The following AP2A2 variants were observed in gnomAD, a reference collection of about 807,000 sequenced individuals.
AP2A2 encodes the protein adaptor related protein complex 2 subunit alpha 2.
A neutral mutation model predicts 104.2 loss-of-function variants in AP2A2; 32 were observed. The observed-to-expected ratio is 0.31, with a 90% CI of 0.23 to 0.41. The LOEUF is 0.41. Among genes scored for constraint, AP2A2 ranks in the 10% least tolerant of loss-of-function variants. The probability of loss-of-function intolerance (pLI) is 1.00; values close to 1 mark genes in which losing one functional copy is unlikely to be tolerated. For synonymous variants in AP2A2, 539 were observed against 533.3 expected, an observed-to-expected ratio of 1.01 and a Z score of -0.15; for missense variants, 912 against 1,261.0, an observed-to-expected ratio of 0.72 and a Z score of 4.19.
rs1043373811 is a variant in AP2A2, at chr11:992,977, C to T, written c.1452+292C>T. On this transcript the variant is annotated intron_variant, in intron 11 of 21. Coordinates refer to ENST00000448903, the MANE Select transcript of AP2A2 (RefSeq NM_012305.4). This position sits in a 1 kb window ranked among gnomAD's most constrained non-coding sequence, Gnocchi z 6.4. ...ATGCCGTGGTGGGGCCTGCCCTGTC[C>T]GTCGGAGAGGGTTAGGCCACCGGCA... 7.9e-5 allele frequency among the ~76,000 whole-genome samples: 12 copies of T among 152,140 alleles called. No homozygotes were observed. The highest frequency in any genetic ancestry group is 1.5e-4 in the Non-Finnish European group (10 of 68,016).
chr11:979,245 T>G (rs1183525322), intron 5 of AP2A2, among the ~76,000 whole-genome samples: 1 of 149,690 alleles, frequency 6.7e-6, no homozygotes, highest in African/African-American at 2.5e-5. Flanking sequence ...GATGCGTGTT[T>G]CCTGGGGGAA....
rs766681589 is a variant in AP2A2 at position 994,103 on chromosome 11, C to T, written c.1814C>T (p.Pro605Leu). Residue 605 changes from proline (P) to leucine (L), a missense_variant, in exon 14 of 22, where the codon CCG (proline) becomes CTG (leucine). This residue lies in a region of AP2A2 where 137 missense variants were observed against 186.9 expected (regional missense o/e 0.73). Transcript: ENST00000448903. ...GTGCTGGAGGAGATGCCCCCATTCCCGGAGCGGGAGTCCTCCATCTTGGCA... is the reference window on the plus strand; with the variant it reads ...GTGCTGGAGGAGATGCCCCCATTCCTGGAGCGGGAGTCCTCCATCTTGGCA... ...ATVLEEMPPF[P>L]ERESSILAKL... 9.9e-6 allele frequency: 16 copies of T among 1,612,926 alleles called. No individual in the cohort carries two copies. The highest frequency in any genetic ancestry group is 2.2e-5 in the South Asian group (2 of 91,084).
chr11:989,686 A>G (rs536833639), intron 10 of AP2A2, among the ~76,000 whole-genome samples: 1 of 152,212 alleles, frequency 6.6e-6, no homozygotes, highest in Non-Finnish European at 1.5e-5. Context: ...CATGAACCAA[A>G]ACCTGAGGGA....
chr11:992,182 A>G lies in AP2A2; in HGVS notation c.1270-321A>G, dbSNP rs1855683901. Among the ~76,000 whole-genome samples the G allele has an allele frequency of 6.6e-6, 1 of 151,668 alleles. No individual in the cohort carries two copies. The highest frequency in any genetic ancestry group is 6.6e-5 in the Admixed American group (1 of 15,220). On this transcript the variant is annotated intron_variant, in intron 10 of 21. Transcript: ENST00000448903. The surrounding 1 kb of genome is among the most constrained non-coding windows in gnomAD (Gnocchi z 6.4). ...GTGCTGCCACCGGGAGCCTAGGGTG[A>G]TGAGGTCAGAGGAGTGCTGCCGCCA...
intron 5 of AP2A2, 114 bp from the exon 6 acceptor site, chr11:981,084 T>G (rs1270870102): frequency 2.6e-6 from 2 of 755,740 alleles, no homozygotes; most frequent in Non-Finnish European, 4.3e-6. Context: ...GAGGCCGAGG[T>G]GGCTGTGGGC....
chr11:979,395 A>G (rs1283687856), intron 5 of AP2A2, among the ~76,000 whole-genome samples: 1 of 151,882 alleles, frequency 6.6e-6, no homozygotes, highest in Non-Finnish European at 1.5e-5. Context: ...CAGGAAGAAG[A>G]CCAATCAGAC....
At chr11:1,007,764 T>C in intron 17 of AP2A2, 1 of 586,182 alleles carries the variant, frequency 1.7e-6, no homozygotes, top group Non-Finnish European at 3.0e-6. Context: ...AACAGACAAG[T>C]AGTATATAAT....
chr11:999,955 C>G (rs1447865638), intron 14 of AP2A2, among the ~76,000 whole-genome samples: 1 of 151,950 alleles, frequency 6.6e-6, no homozygotes, highest in African/African-American at 2.4e-5. Flanking sequence ...AGGCGCCCAC[C>G]ACCACGCCCG....
intron 5 of AP2A2, 56 bp downstream of exon 5, chr11:977,280 C>A (rs1232499701): frequency 1.3e-6 from 2 of 1,527,110 alleles, no homozygotes; most frequent in Non-Finnish European, 1.8e-6. Flanking sequence ...TTGGGATGGC[C>A]GTTGTGAAGA....
At chr11:976,559 G>A (rs1855045318) in intron 4 of AP2A2, among the ~76,000 whole-genome samples, 1 of 152,134 alleles carries the variant, frequency 6.6e-6, no homozygotes, top group Admixed American at 6.5e-5. Flanking sequence ...CCCTGGACAA[G>A]CATGTTGGCA....
intron 14 of AP2A2, among the ~76,000 whole-genome samples, chr11:999,253 C>T (rs1025499568): frequency 6.6e-6 from 1 of 152,058 alleles, no homozygotes; most frequent in Non-Finnish European, 1.5e-5. Flanking sequence ...TTACTGGGGC[C>T]GGGTGCGGTG....
rs531850496 is a variant in AP2A2, at chr11:985,675, T to C, written c.962+93T>C. The C allele has an allele frequency of 1.4e-3, 2,152 of 1,549,476 alleles. 3 individuals are homozygous for C. Among genetic ancestry groups the C allele is most frequent in the Admixed American group, 3.8e-3 (203 of 53,170 alleles). Reference sequence around the variant, plus strand: ...GACTGGGCGGATCATGTCTGGTTTGTCCACTCCATGGGCCTCCCCTTCGTC... The same window carrying C: ...GACTGGGCGGATCATGTCTGGTTTGCCCACTCCATGGGCCTCCCCTTCGTC... On this transcript the variant is annotated intron_variant, in intron 8 of 21. Transcript: ENST00000448903.
chr11:977,239 C>T lies in AP2A2; in HGVS notation c.603+15C>T. ...ACCAGCACTTGGTAAGCACCCTTGG[C>T]TTTGGTTCTCCCCGCTCCCCCAGGT... On this transcript the variant is annotated intron_variant, in intron 5 of 21. Coordinates refer to ENST00000448903, the MANE Select transcript of AP2A2 (RefSeq NM_012305.4). 6.4e-7 allele frequency: 1 copy of T among 1,571,620 alleles called. No homozygotes were observed. The highest frequency in any genetic ancestry group is 1.7e-4 in the Middle Eastern group (1 of 5,878).
chr11:946,502 GGCTCATGCCTGTAATC>G (rs1300052478), intron 1 of AP2A2: 1 of 152,192 alleles, frequency 6.6e-6, no homozygotes, highest in Non-Finnish European at 1.5e-5. Context: ...TGGGTGTGGT[GGCTCATGCCTGTAATC>G]CCAGCACTTT....
Position 992,494 on chromosome 11 carries a change from C to T in AP2A2, c.1270-9C>T. 1.3e-6 allele frequency: 2 copies of T among 1,576,626 alleles called. No individual in the cohort carries two copies. Among genetic ancestry groups the T allele is most frequent in the Non-Finnish European group, 1.7e-6 (2 of 1,161,208 alleles). ...CAGGTGCCGGCCCTCAGCAGCCTGT[C>T]CCCCACAGGTGCTGAAGGTCGCCAT... On this transcript the variant is annotated splice_polypyrimidine_tract_variant and intron_variant, in intron 10 of 21. Coordinates refer to ENST00000448903, the MANE Select transcript of AP2A2 (RefSeq NM_012305.4). The surrounding 1 kb of genome is among the most constrained non-coding windows in gnomAD (Gnocchi z 6.4).
intron 1 of AP2A2, among the ~76,000 whole-genome samples, chr11:957,138 A>C (rs1854263570): frequency 6.6e-6 from 1 of 152,236 alleles, no homozygotes; most frequent in African/African-American, 2.4e-5. Flanking sequence ...AGAGAGGCTC[A>C]CAGAACTCAG....
intron 7 of AP2A2, 78 bp from the exon 8 acceptor site, chr11:985,356 GT>G (rs1486211084): frequency 6.6e-7 from 1 of 1,508,470 alleles, no homozygotes; most frequent in Non-Finnish European, 9.0e-7. Context: ...CTCTCATGAT[GT>G]ATGGGTGCAG....
Position 1,009,224 on chromosome 11 carries a change from A to G in AP2A2, c.2537+8A>G. The G allele has an allele frequency of 1.2e-6, 2 of 1,612,668 alleles. No individual in the cohort carries two copies. Among genetic ancestry groups the G allele is most frequent in the Non-Finnish European group, 1.7e-6 (2 of 1,178,930 alleles). On this transcript the variant is annotated splice_region_variant and intron_variant, in intron 19 of 21. Transcript: ENST00000448903. Reference sequence around the variant, plus strand: ...TTGGAAGCAGTTGAGCAAGTGAGAAACCTGTTTCCTGTAGGGGTCAGGGGT... The same window carrying G: ...TTGGAAGCAGTTGAGCAAGTGAGAAGCCTGTTTCCTGTAGGGGTCAGGGGT...
chr11:1,003,614 A>G (rs1373035781), intron 15 of AP2A2, 108 bp from the exon 16 acceptor site: 3 of 622,318 alleles, frequency 4.8e-6, no homozygotes, highest in Admixed American at 3.5e-5. Flanking sequence ...CTTGTGTGCC[A>G]TAGAGGTTTT....
Sources: gnomAD v4.1 joint callset for allele counts (sites outside exome capture counted in the v4.1 genomes callset) on GRCh38, gnomAD v4.1.1 for gene constraint, gnomAD v4.1.1 regional missense constraint, Gnocchi (gnomAD v3.1) non-coding constraint, MANE v1.5 for transcripts, NCBI Gene and HGNC (gene_info 2026-07-23, HGNC 2026-07-21) for gene names.